ROCK2: variants seen among roughly 807,000 people sequenced by gnomAD.
ROCK2 encodes rho-associated protein kinase 2.
ROCK2 carries 61 observed loss-of-function variants against 195.1 expected under a neutral mutation model. The observed-to-expected ratio is 0.31, with a 90% CI of 0.25 to 0.39. The LOEUF is 0.39. Among genes scored for constraint, ROCK2 ranks in the 10% least tolerant of loss-of-function variants. The pLI is 1.00. For synonymous variants in ROCK2, 504 were observed against 545.5 expected (o/e 0.92, Z 1.06); for missense variants, 1,109 against 1,637.4 (o/e 0.68, Z 5.57).
intron 3 of ROCK2, among the ~76,000 whole-genome samples, chr2:11,271,966 G>A (rs1369394058): frequency 2.0e-5 from 3 of 149,452 alleles, no homozygotes; most frequent in South Asian, 2.1e-4. Context: ...CTTGCAGTGA[G>A]CAGAGATCAC....
chr2:11,285,445 A>C (rs1234098905), intron 3 of ROCK2, among the ~76,000 whole-genome samples: 1 of 152,046 alleles, frequency 6.6e-6, no homozygotes, highest in Non-Finnish European at 1.5e-5. Context: ...ATTATCCTCA[A>C]GTGTGTCAGA....
Position 11,201,688 on chromosome 2 carries a change from AAGGAAAAACATTAACAATTT to A in ROCK2, c.2620-295_2620-276del, listed in dbSNP as rs1188727072. On this transcript the variant is annotated intron_variant, in intron 21 of 32. Transcript: ENST00000315872. This position sits in a 1 kb window ranked among gnomAD's most constrained non-coding sequence, Gnocchi z 4.6. ...AGATAGGTAAAATGAATAAGGAGGC[AAGGAAAAACATTAACAATTT>A]AGACAAAAAAATGTTATTGGCTTAA... Among the ~76,000 whole-genome samples the A allele has an allele frequency of 6.6e-6, 1 of 152,242 alleles. No individual in the cohort carries two copies.
At position 11,311,051 on chromosome 2, in the gene ROCK2, A is replaced by T. The variant is rs1436303893; in HGVS notation, c.142-23315T>A. Among the ~76,000 whole-genome samples, 3 of 151,672 alleles carry T rather than the reference A, an allele frequency of 2.0e-5. No homozygotes were observed. The East Asian group carries it at 5.8e-4, about 29-fold the overall frequency. ...CTCTAACTTACTTCTCCAACTCTCA[A>T]CTAGCTATGAAATCAGCATGAGAGT... On this transcript the variant is annotated intron_variant, in intron 1 of 32. Coordinates refer to ENST00000315872, the MANE Select transcript of ROCK2 (RefSeq NM_004850.5).
chr2:11,257,998 GA>G (rs1666094588), intron 3 of ROCK2, among the ~76,000 whole-genome samples: 1 of 151,392 alleles, frequency 6.6e-6, no homozygotes, highest in Admixed American at 6.6e-5. Flanking sequence ...GTTATTTACA[GA>G]AAGTGTATTT....
intron 1 of ROCK2, among the ~76,000 whole-genome samples, chr2:11,317,627 T>TTTTTTTTTC (rs1192587957): frequency 3.2e-5 from 1 of 31,444 alleles, no homozygotes; most frequent in South Asian, 1.9e-3. Flanking sequence ...TTTTTTTTTT[T>TTTTTTTTTC]AATTATACTT....
rs1237352972 is a variant in ROCK2, at chr2:11,227,324, C to T, written c.798G>A (p.Gly266=). Residue 266 remains glycine, a synonymous_variant, in exon 6 of 33, where the codon GGG becomes GGA. Transcript: ENST00000315872. ...YISPEVLKSQ[G]GDGFYGRECD... is the part of the protein sequence containing the mutation. ...ATTCTCGCCCATAGAAACCATCACC[C>T]CCTTGTGATTTCAGAACCTCAGGTG... 2 of 1,613,916 alleles carry T rather than the reference C, an allele frequency of 1.2e-6. No homozygotes were observed. The highest frequency in any genetic ancestry group is 1.1e-5 in the South Asian group (1 of 91,078).
chr2:11,214,605 A>G, intron 16 of ROCK2, 142 bp from the exon 17 acceptor site: 1 of 654,118 alleles, frequency 1.5e-6, no homozygotes, highest in South Asian at 2.0e-5. Flanking sequence ...ATTGTGCTTT[A>G]TAGTTAATTC....
chr2:11,231,768 A>G (rs1665020814), intron 5 of ROCK2, among the ~76,000 whole-genome samples: 1 of 152,182 alleles, frequency 6.6e-6, no homozygotes, highest in Admixed American at 6.5e-5. Flanking sequence ...ATATAATTTA[A>G]TGAGATACTA....
At chr2:11,288,002 T>C (rs1572364956) in intron 1 of ROCK2, among the ~76,000 whole-genome samples, 1 of 152,218 alleles carries the variant, frequency 6.6e-6, no homozygotes, top group East Asian at 1.9e-4. Flanking sequence ...TATTATTATT[T>C]TTGCTAGACA....
Position 11,185,985 on chromosome 2 carries a change from G to A in ROCK2, c.4164-2545C>T, listed in dbSNP as rs556080652. 3.3e-5 allele frequency among the ~76,000 whole-genome samples: 5 copies of A among 152,130 alleles called. No individual in the cohort carries two copies. In the South Asian group the frequency reaches 8.3e-4, roughly 25 times the overall value. ...CAAGAGATTTAGATATGACTGAAAAGGGCCCAAATATTTGCATTTTCAAAT... is the reference window on the plus strand; with the variant it reads ...CAAGAGATTTAGATATGACTGAAAAAGGCCCAAATATTTGCATTTTCAAAT... On this transcript the variant is annotated intron_variant, in intron 32 of 32. Transcript: ENST00000315872.
At chr2:11,278,355 C>A (rs941952019) in intron 3 of ROCK2, among the ~76,000 whole-genome samples, 1 of 152,168 alleles carries the variant, frequency 6.6e-6, no homozygotes, top group Non-Finnish European at 1.5e-5. Flanking sequence ...ATACAAGATC[C>A]TCCAACCATC....
chr2:11,328,826 C>G (rs1258305180), intron 1 of ROCK2, among the ~76,000 whole-genome samples: 2 of 150,856 alleles, frequency 1.3e-5, no homozygotes, highest in Admixed American at 1.3e-4. Flanking sequence ...GACAAAAAAC[C>G]AAACACCACA....
At chr2:11,288,263 C>A (rs1056718427) in intron 1 of ROCK2, among the ~76,000 whole-genome samples, 1 of 152,148 alleles carries the variant, frequency 6.6e-6, no homozygotes, top group African/African-American at 2.4e-5. Context: ...CTTTACATTT[C>A]TGTATTTCCC....
intron 1 of ROCK2, among the ~76,000 whole-genome samples, chr2:11,328,432 G>C (rs1398658905): frequency 6.6e-6 from 1 of 152,170 alleles, no homozygotes; most frequent in Non-Finnish European, 1.5e-5. Context: ...GTTCTGTACA[G>C]TTTACAGAAC....
At chr2:11,317,325 T>C (rs1274103131) in intron 1 of ROCK2, among the ~76,000 whole-genome samples, 3 of 151,596 alleles carry the variant, frequency 2.0e-5, no homozygotes. Flanking sequence ...TAGAAAAGCA[T>C]GGGTTAGTGA....
At chr2:11,200,913 G>C in intron 23 of ROCK2, 44 bp downstream of exon 23, 1 of 1,511,990 alleles carries the variant, frequency 6.6e-7, no homozygotes, top group Non-Finnish European at 8.9e-7. Flanking sequence ...TTAAGATATA[G>C]CAATTTAACT....
chr2:11,270,924 A>C (rs1316998674), intron 3 of ROCK2, among the ~76,000 whole-genome samples: 1 of 152,202 alleles, frequency 6.6e-6, no homozygotes, highest in African/African-American at 2.4e-5. Flanking sequence ...TGATGCATTG[A>C]GTAAAAGGAA....
chr2:11,215,750 T>G (rs1419333872), intron 13 of ROCK2, 105 bp from the exon 14 acceptor site: 7 of 897,312 alleles, frequency 7.8e-6, no homozygotes, highest in South Asian at 2.0e-5. Flanking sequence ...TCAAAAAGGC[T>G]TTCACTGCTT....
chr2:11,330,825 AGG>A (rs1429243313), intron 1 of ROCK2, among the ~76,000 whole-genome samples: 2 of 3,964 alleles, frequency 5.0e-4, no homozygotes, highest in Non-Finnish European at 8.0e-4. Context: ...GGGGAGGAGG[AGG>A]GGGAGGAAGA....
Sources: allele counts gnomAD v4.1 joint callset (sites outside exome capture counted in the v4.1 genomes callset), GRCh38; gene constraint gnomAD v4.1.1; non-coding constraint Gnocchi (gnomAD v3.1); transcripts MANE v1.5; gene names NCBI Gene and HGNC (gene_info 2026-07-23, HGNC 2026-07-21).